Variants in DNM3 observed in about 807,000 individuals in gnomAD.
The protein encoded by DNM3 is dynamin-3.
DNM3 carries 47 observed loss-of-function variants against 101.6 expected under a neutral mutation model. The ratio of observed to expected loss-of-function variants is 0.46; its 90% CI spans 0.37 to 0.59. DNM3 has a LOEUF of 0.59. Among genes scored for constraint, DNM3 ranks in the 20% least tolerant of loss-of-function variants. The pLI, the probability that DNM3 is intolerant of heterozygous loss-of-function variation, is 0.00. For synonymous variants in DNM3, 385 were observed against 387.9 expected, an observed-to-expected ratio of 0.99 and a Z score of 0.09; for missense variants, 849 against 1,085.7, an observed-to-expected ratio of 0.78 and a Z score of 3.06.
At chr1:171,869,460 G>A (rs2035072914) in intron 1 of DNM3, among the ~76,000 whole-genome samples, 1 of 152,216 alleles carries the variant, frequency 6.6e-6, no homozygotes, top group Admixed American at 6.5e-5. Context: ...AAAGAAGGTA[G>A]TTATATCTGT....
chr1:172,167,654 G>C (rs1052929534), intron 14 of DNM3, among the ~76,000 whole-genome samples: 1 of 151,922 alleles, frequency 6.6e-6, no homozygotes, highest in Non-Finnish European at 1.5e-5. Context: ...TTTGATTAAA[G>C]CATTGCATTC....
intron 1 of DNM3, among the ~76,000 whole-genome samples, chr1:171,844,664 T>A (rs1449578904): frequency 2.6e-5 from 4 of 152,212 alleles, no homozygotes; most frequent in Non-Finnish European, 5.9e-5. Flanking sequence ...TGAACTTGCA[T>A]ATTAATGTGA....
At chr1:171,907,227 C>A (rs1176947994) in intron 1 of DNM3, among the ~76,000 whole-genome samples, 3 of 152,230 alleles carry the variant, frequency 2.0e-5, no homozygotes, top group African/African-American at 7.2e-5. Context: ...CGCAGTGGCT[C>A]ATGCTTGTAA....
At chr1:172,344,110 G>A (rs774020045) in intron 17 of DNM3, among the ~76,000 whole-genome samples, 1 of 152,088 alleles carries the variant, frequency 6.6e-6, no homozygotes, top group South Asian at 2.1e-4. Context: ...TCTTTCCATT[G>A]AGCACTCAAG....
intron 10 of DNM3, among the ~76,000 whole-genome samples, chr1:172,067,818 G>A (rs1558515468): frequency 6.6e-6 from 1 of 152,308 alleles, no homozygotes; most frequent in Non-Finnish European, 1.5e-5. Context: ...CAAAAAAAAT[G>A]TACATATACA....
At chr1:172,239,733 C>G (rs957776225) in intron 14 of DNM3, among the ~76,000 whole-genome samples, 18 of 149,720 alleles carry the variant, frequency 1.2e-4, no homozygotes, top group Non-Finnish European at 4.4e-5. Context: ...TCAGTTCATT[C>G]TCTGGGTTCT....
At chr1:172,332,551 C>T (rs980957157) in intron 17 of DNM3, among the ~76,000 whole-genome samples, 5 of 152,168 alleles carry the variant, frequency 3.3e-5, no homozygotes, top group Admixed American at 6.5e-5. Flanking sequence ...CTCAGGCAAT[C>T]GCCCACCTTA....
intron 4 of DNM3, among the ~76,000 whole-genome samples, chr1:172,025,822 A>G (rs1360473096): frequency 6.6e-6 from 1 of 152,222 alleles, no homozygotes; most frequent in East Asian, 1.9e-4. Flanking sequence ...CAAAGACCAA[A>G]GGTAGATAAA....
Position 172,408,215 on chromosome 1 carries a change from G to A in DNM3, c.*374G>A, listed in dbSNP as rs2071027111. ...CTTCAGATATGAGATAGTGGGCTTA[G>A]ACCTAAGCCATACATATTTCTTTTC... On this transcript the variant is annotated 3_prime_UTR_variant, in exon 21 of 21. Transcript: ENST00000627582. The A allele has an allele frequency of 9.7e-7, 1 of 1,027,720 alleles. No individual in the cohort carries two copies. 63.7% of individuals were successfully genotyped at this position (1,027,720 alleles called of 1,614,324 possible). A position where few individuals can be genotyped will look rare whatever the true frequency, so the allele number is the denominator to read the frequency against.
chr1:172,411,704 G>C lies in DNM3; in HGVS notation c.*3863G>C. 1 of 985,220 alleles carries C rather than the reference G, an allele frequency of 1.0e-6. No individual in the cohort carries two copies. The highest frequency in any genetic ancestry group is 1.2e-6 in the Non-Finnish European group (1 of 829,790). 61.0% of individuals were successfully genotyped at this position (985,220 alleles called of 1,614,324 possible). ...ATGGCATAATTATTTGAAAGTGACA[G>C]GAATCTCCTCAGAATGAAGAATAAA... On this transcript the variant is annotated 3_prime_UTR_variant, in exon 21 of 21. Coordinates refer to ENST00000627582, the MANE Select transcript of DNM3 (RefSeq NM_015569.5).
At chr1:171,877,973 G>A (rs2035928481) in intron 1 of DNM3, among the ~76,000 whole-genome samples, 1 of 152,158 alleles carries the variant, frequency 6.6e-6, no homozygotes, top group Non-Finnish European at 1.5e-5. Context: ...TTGCTTCGTT[G>A]ACTCATTTAG....
intron 16 of DNM3, among the ~76,000 whole-genome samples, chr1:172,320,396 A>AG (rs2065649464): frequency 9.6e-6 from 1 of 104,482 alleles, no homozygotes; most frequent in Admixed American, 8.5e-5. Context: ...AATAAAAAAA[A>AG]GAAAAAAAAA....
At chr1:171,976,606 T>C (rs964058983) in intron 2 of DNM3, among the ~76,000 whole-genome samples, 2 of 152,134 alleles carry the variant, frequency 1.3e-5, no homozygotes, top group African/African-American at 4.8e-5. Flanking sequence ...GAGATTTGGG[T>C]GGGGACACAG....
intron 13 of DNM3, among the ~76,000 whole-genome samples, chr1:172,124,151 A>C (rs149405748): frequency 8.9e-4 from 136 of 152,358 alleles, no homozygotes; most frequent in African/African-American, 3.2e-3. Context: ...TAATAATAAA[A>C]TATCAACAAA....
intron 2 of DNM3, among the ~76,000 whole-genome samples, chr1:171,980,963 G>T (rs2044748230): frequency 6.6e-6 from 1 of 151,890 alleles, no homozygotes; most frequent in Admixed American, 6.5e-5. Context: ...TAGAGACAGG[G>T]TGTCACCAAG....
At chr1:171,870,122 T>G (rs1413311331) in intron 1 of DNM3, among the ~76,000 whole-genome samples, 1 of 152,198 alleles carries the variant, frequency 6.6e-6, no homozygotes, top group African/African-American at 2.4e-5. Context: ...GTGGCTTGCT[T>G]CAGGACCTAT....
chr1:172,303,552 A>C (rs1337889755), intron 15 of DNM3, among the ~76,000 whole-genome samples: 1 of 152,206 alleles, frequency 6.6e-6, no homozygotes, highest in Non-Finnish European at 1.5e-5. Flanking sequence ...CTCCTTGAGA[A>C]GAGCAACCCC....
intron 10 of DNM3, among the ~76,000 whole-genome samples, chr1:172,063,816 A>G (rs1265084019): frequency 6.6e-6 from 1 of 151,832 alleles, no homozygotes; most frequent in African/African-American, 2.4e-5. Flanking sequence ...TGCAATTTGA[A>G]CTATAAGCTA....
At chr1:172,295,854 AT>A (rs1448995801) in intron 15 of DNM3, among the ~76,000 whole-genome samples, 1 of 152,182 alleles carries the variant, frequency 6.6e-6, no homozygotes, top group African/African-American at 2.4e-5. Context: ...AGTAAAACAA[AT>A]GGAAAAAAAT....
Sources: allele counts gnomAD v4.1 joint callset (sites outside exome capture counted in the v4.1 genomes callset), GRCh38; gene constraint gnomAD v4.1.1; transcripts MANE v1.5; gene names NCBI Gene and HGNC (gene_info 2026-07-23, HGNC 2026-07-21).